Variants in KIRREL1 observed in about 807,000 individuals in gnomAD.
The protein encoded by KIRREL1 is kin of IRRE-like protein 1.
Under a neutral mutation model 83.3 loss-of-function variants are expected in KIRREL1, and 25 were observed. The ratio of observed to expected loss-of-function variants is 0.30; its 90% CI spans 0.22 to 0.42. The LOEUF is 0.42. KIRREL1 is among the 10% of genes least tolerant of loss of function. The pLI is 1.00. For synonymous variants in KIRREL1, 388 were observed against 410.4 expected (o/e 0.95, Z 0.66); for missense variants, 812 against 1,032.3 (o/e 0.79, Z 2.92).
chr1:158,052,328 T>A (rs1158882677), intron 1 of KIRREL1, among the ~76,000 whole-genome samples: 1 of 152,184 alleles, frequency 6.6e-6, no homozygotes, highest in African/African-American at 2.4e-5. Flanking sequence ...CCTTACCTGC[T>A]TGGTGAACAC....
chr1:158,064,933 CT>C (rs869035914), intron 1 of KIRREL1, among the ~76,000 whole-genome samples: 2,307 of 82,662 alleles, frequency 0.028, 28 homozygotes, highest in African/African-American at 0.066. Context: ...ACCTGCTGGT[CT>C]TTTTTTTTTT....
At position 158,093,327 on chromosome 1, in the gene KIRREL1, C is replaced by T; in HGVS notation, c.1472-12C>T. On this transcript the variant is annotated splice_polypyrimidine_tract_variant and intron_variant, in intron 11 of 14. Transcript: ENST00000359209. ...CAGCCTCACCCCTCCACCTTTCCTT[C>T]CCCATCGAAAGAGGTGTTACCTGTG... The T allele has an allele frequency of 6.2e-7, 1 of 1,608,978 alleles. No individual in the cohort carries two copies. The highest frequency in any genetic ancestry group is 8.5e-7 in the Non-Finnish European group (1 of 1,175,230).
At chr1:158,086,560 A>G (rs1351967423) in intron 4 of KIRREL1, 36 bp from the exon 5 acceptor site, 1 of 1,547,208 alleles carries the variant, frequency 6.5e-7, no homozygotes, top group Non-Finnish European at 8.7e-7. Context: ...GGGGGCTTTT[A>G]GCTTAACCAT....
chr1:158,080,030 A>G (rs1208782600), intron 3 of KIRREL1, among the ~76,000 whole-genome samples: 1 of 152,210 alleles, frequency 6.6e-6, no homozygotes, highest in Non-Finnish European at 1.5e-5. Flanking sequence ...AAGGAGCAGG[A>G]ATGAGGTTAG....
At chr1:158,058,590 T>C (rs1473922645) in intron 1 of KIRREL1, among the ~76,000 whole-genome samples, 2 of 151,942 alleles carry the variant, frequency 1.3e-5, no homozygotes, top group African/African-American at 4.8e-5. Context: ...GACACCTAGG[T>C]TTCTGATCCT....
In KIRREL1 at chr1:158,099,510, G is replaced by A. The variant is rs899829225; in HGVS notation, c.*4390G>A. 11 of 152,018 alleles carry A rather than the reference G, an allele frequency of 7.2e-5. No homozygotes were observed. The highest frequency in any genetic ancestry group is 1.2e-4 in the Non-Finnish European group (8 of 68,052). The allele number at this position is 152,018 out of a possible 1,614,324, so 9.4% of individuals were successfully genotyped here. On this transcript the variant is annotated 3_prime_UTR_variant, in exon 15 of 15. Transcript: ENST00000359209. ...TTGGTAGGAAGGGGGTGTGTGTGGGGGTTAGTGGGGAATCCCATTTTTTTG... is the reference window on the plus strand; with the variant it reads ...TTGGTAGGAAGGGGGTGTGTGTGGGAGTTAGTGGGGAATCCCATTTTTTTG...
In KIRREL1 at chr1:158,094,951, C is replaced by A; in HGVS notation, c.2105C>A (p.Pro702His). Residue 702 changes from proline (P) to histidine (H), a missense_variant, in exon 15 of 15, where the codon CCC becomes CAC. This residue lies in a region of KIRREL1 where 334 missense variants were observed against 383.7 expected (regional missense o/e 0.87). Coordinates refer to ENST00000359209, the MANE Select transcript of KIRREL1 (RefSeq NM_018240.7). This position sits in a 1 kb window ranked among gnomAD's most constrained non-coding sequence, Gnocchi z 4.6. ...CCCTTCCCTGGGGCAGCTGGGTACC[C>A]CACCTACCGACTGGGCTACCCCCAG... ...SHPFPGAAGY[P>H]TYRLGYPQAP... 1 of 1,614,058 alleles carries A rather than the reference C, an allele frequency of 6.2e-7. No homozygotes were observed. Among genetic ancestry groups the A allele is most frequent in the South Asian group, 1.1e-5 (1 of 91,072 alleles).
At chr1:158,009,664 C>G (rs1398694206) in intron 1 of KIRREL1, among the ~76,000 whole-genome samples, 1 of 152,174 alleles carries the variant, frequency 6.6e-6, no homozygotes, top group East Asian at 1.9e-4. Flanking sequence ...TCATGGCAGC[C>G]TGTTCTGGTA....
At chr1:158,080,096 C>T (rs1288627192) in intron 3 of KIRREL1, among the ~76,000 whole-genome samples, 1 of 152,140 alleles carries the variant, frequency 6.6e-6, no homozygotes, top group East Asian at 1.9e-4. Context: ...TCATCCCTCA[C>T]TGAGGTGTGT....
At chr1:158,016,530 T>C (rs1329955102) in intron 1 of KIRREL1, among the ~76,000 whole-genome samples, 1 of 152,152 alleles carries the variant, frequency 6.6e-6, no homozygotes, top group Non-Finnish European at 1.5e-5. Flanking sequence ...CACTGATTTT[T>C]TTTTAATCTT....
At chr1:158,069,797 C>G (rs1232014937) in intron 1 of KIRREL1, among the ~76,000 whole-genome samples, 1 of 152,150 alleles carries the variant, frequency 6.6e-6, no homozygotes, top group African/African-American at 2.4e-5. Flanking sequence ...TGTCCCTGAG[C>G]CTTAGCTTTT....
Position 158,094,315 on chromosome 1 carries a change from G to GTGT in KIRREL1, c.1723_1724insGTT (p.Ser574_Phe575insCys). 1 of 1,604,866 alleles carries GTGT rather than the reference G, an allele frequency of 6.2e-7. No homozygotes were observed. Among genetic ancestry groups the GTGT allele is most frequent in the Non-Finnish European group, 8.5e-7 (1 of 1,176,542 alleles). On this transcript the variant is annotated inframe_insertion, in exon 14 of 15. Coordinates refer to ENST00000359209, the MANE Select transcript of KIRREL1 (RefSeq NM_018240.7). The surrounding 1 kb of genome is among the most constrained non-coding windows in gnomAD (Gnocchi z 4.6). ...GTCCCACTCCTGCTGCTCCACAGTC[G>GTGT]TTTAAGGATGATGTGGATCTGAAGC...
At chr1:158,068,629 T>C (rs1661420619) in intron 1 of KIRREL1, among the ~76,000 whole-genome samples, 1 of 152,228 alleles carries the variant, frequency 6.6e-6, no homozygotes, top group African/African-American at 2.4e-5. Flanking sequence ...TCCTCCCTCC[T>C]TCTTGCCTTC....
chr1:158,055,667 A>G (rs1661037118), intron 1 of KIRREL1, among the ~76,000 whole-genome samples: 1 of 152,232 alleles, frequency 6.6e-6, no homozygotes, highest in Non-Finnish European at 1.5e-5. Context: ...ATATGTCGCC[A>G]GGGCTGCCTA....
chr1:158,000,226 T>G (rs181357450), intron 1 of KIRREL1, among the ~76,000 whole-genome samples: 31 of 152,340 alleles, frequency 2.0e-4, no homozygotes, highest in Admixed American at 1.6e-3. Context: ...CACCCACTTC[T>G]TATCCCCATC....
intron 3 of KIRREL1, 34 bp from the exon 4 acceptor site, chr1:158,084,388 C>G: frequency 6.5e-7 from 1 of 1,534,592 alleles, no homozygotes; most frequent in Non-Finnish European, 8.8e-7. Context: ...GTTAGCCACA[C>G]CCTGCACTGA....
chr1:158,053,267 G>A (rs1192725851), intron 1 of KIRREL1, among the ~76,000 whole-genome samples: 2 of 152,236 alleles, frequency 1.3e-5, no homozygotes, highest in Non-Finnish European at 2.9e-5. Context: ...CTGACACACA[G>A]TAGGGTGCAG....
intron 1 of KIRREL1, among the ~76,000 whole-genome samples, chr1:157,994,938 C>T (rs1310406125): frequency 1.3e-5 from 2 of 152,160 alleles, no homozygotes; most frequent in Non-Finnish European, 2.9e-5. Context: ...TACATGTATG[C>T]AGGCGTTTAC....
intron 1 of KIRREL1, among the ~76,000 whole-genome samples, chr1:158,001,084 G>A (rs564139417): frequency 5.3e-5 from 8 of 152,286 alleles, no homozygotes; most frequent in Admixed American, 2.6e-4. Context: ...CCCATCCTAG[G>A]TCCGCTTCAG....
Sources: allele counts gnomAD v4.1 joint callset (sites outside exome capture counted in the v4.1 genomes callset), GRCh38; gene constraint gnomAD v4.1.1; regional missense constraint gnomAD v4.1.1; non-coding constraint Gnocchi (gnomAD v3.1); transcripts MANE v1.5; gene names NCBI Gene and HGNC (gene_info 2026-07-23, HGNC 2026-07-21).